FHIT: variants seen among roughly 807,000 people sequenced by gnomAD.
FHIT encodes fragile histidine triad diadenosine triphosphatase, also known as bis(5'-adenosyl)-triphosphatase.
In FHIT, 19 loss-of-function variants were observed where a neutral mutation model predicts 17.9. The ratio of observed to expected loss-of-function variants is 1.06; its 90% confidence interval spans 0.74 to 1.56. FHIT has a LOEUF of 1.56. Among genes scored for constraint, FHIT ranks in the 40% most tolerant of loss-of-function variants. The pLI is 0.00. For synonymous variants in FHIT, 81 were observed against 69.7 expected, an observed-to-expected ratio of 1.16 and a Z score of -0.81; for missense variants, 248 against 189.2, an observed-to-expected ratio of 1.31 and a Z score of -1.82.
Position 60,066,541 on chromosome 3 carries a change from A to T in FHIT, c.104-52389T>A, listed in dbSNP as rs144207449. ...CCTAATGACCTCCCGCCCTCTCAAA[A>T]CGCCAACATAACTTCTGGTCACGTA... is the stretch of plus-strand genomic sequence containing the variant. On this transcript the variant is annotated intron_variant, in intron 5 of 9. Coordinates refer to ENST00000492590, the MANE Select transcript of FHIT (RefSeq NM_002012.4). Among the ~76,000 whole-genome samples the T allele has an allele frequency of 1.4e-3, 207 of 151,192 alleles. 1 individual carries two copies. Among genetic ancestry groups the T allele is most frequent in the African/African-American group, 4.7e-3 (193 of 41,298 alleles).
intron 8 of FHIT, among the ~76,000 whole-genome samples, chr3:59,851,878 C>T (rs1701952728): frequency 6.6e-6 from 1 of 152,144 alleles, no homozygotes; most frequent in African/African-American, 2.4e-5. Context: ...CTTTTTAAAA[C>T]AAACTAGTAA....
intron 7 of FHIT, among the ~76,000 whole-genome samples, chr3:59,972,413 T>A (rs948756674): frequency 4.6e-5 from 7 of 152,172 alleles, no homozygotes; most frequent in African/African-American, 1.7e-4. Flanking sequence ...CTTGGCATGT[T>A]TGGCTGGGAA....
At chr3:61,023,104 A>T (rs2032542178) in intron 3 of FHIT, among the ~76,000 whole-genome samples, 1 of 152,220 alleles carries the variant, frequency 6.6e-6, no homozygotes, top group Non-Finnish European at 1.5e-5. Context: ...CCATCGTCTC[A>T]GCCCAAAATC....
intron 3 of FHIT, among the ~76,000 whole-genome samples, chr3:61,005,305 G>A (rs2031369469): frequency 6.6e-6 from 1 of 152,160 alleles, no homozygotes; most frequent in Non-Finnish European, 1.5e-5. Context: ...AGGGGAATTA[G>A]AGAAAAACTT....
At chr3:60,118,429 A>G (rs1403570881) in intron 5 of FHIT, among the ~76,000 whole-genome samples, 1 of 151,916 alleles carries the variant, frequency 6.6e-6, no homozygotes, top group Admixed American at 6.6e-5. Context: ...TTTTAAATTT[A>G]ACTTTTAAAA....
chr3:60,602,673 G>A lies in FHIT; in HGVS notation c.-17-65694C>T, dbSNP rs898616605. Among the ~76,000 whole-genome samples, 8 of 152,142 alleles carry A rather than the reference G, an allele frequency of 5.3e-5. 1 individual carries two copies. Among genetic ancestry groups the A allele is most frequent in the African/African-American group, 2.4e-5 (1 of 41,418 alleles). On this transcript the variant is annotated intron_variant, in intron 4 of 9. Transcript: ENST00000492590. ...ATGGGAGAATGACATTTGCAAAACA[G>A]AATGAGGATGTTATGAGCCTGTGCA... is the stretch of plus-strand genomic sequence containing the variant.
At chr3:59,751,482 G>T in intron 9 of FHIT, 1 of 209,268 alleles carries the variant, frequency 4.8e-6, no homozygotes, top group African/African-American at 2.3e-5. Context: ...ACTGAGACTA[G>T]GAGGGATAAT....
chr3:61,186,391 C>T (rs763373459), intron 2 of FHIT, among the ~76,000 whole-genome samples: 11 of 152,200 alleles, frequency 7.2e-5, no homozygotes, highest in Non-Finnish European at 1.2e-4. Flanking sequence ...CAAGGGTGGG[C>T]GCCTGACCTA....
intron 3 of FHIT, among the ~76,000 whole-genome samples, chr3:61,008,561 AAC>A (rs145917094): frequency 0.1 from 15,855 of 152,256 alleles, 884 homozygotes; most frequent in Middle Eastern, 0.14. Context: ...GTGTTTGTGC[AAC>A]AGTTATTGGG....
chr3:61,179,008 C>CTTTT lies in FHIT; in HGVS notation c.-164+21605_-164+21608dup, dbSNP rs778191387. ...GCCTACATTATTTCTTTTTCTTTTTCTTTTTTTTTTTTTTTTTTTTGAGAC... is the reference window on the plus strand; with the variant it reads ...GCCTACATTATTTCTTTTTCTTTTTCTTTTTTTTTTTTTTTTTTTTTTTTGAGAC... On this transcript the variant is annotated intron_variant, in intron 2 of 9. Coordinates refer to ENST00000492590, the MANE Select transcript of FHIT (RefSeq NM_002012.4). Among the ~76,000 whole-genome samples the CTTTT allele has an allele frequency of 6.0e-3, 760 of 127,578 alleles. 33 individuals are homozygous for CTTTT. The East Asian group carries it at 0.084, about 14-fold the overall frequency. The allele number at this position is 127,578 out of a possible 152,430, so 83.7% of individuals were successfully genotyped here.
intron 2 of FHIT, among the ~76,000 whole-genome samples, chr3:61,077,761 T>C (rs186451623): frequency 7.9e-5 from 12 of 152,220 alleles, no homozygotes; most frequent in Admixed American, 4.6e-4. Flanking sequence ...AGTGTGTTTT[T>C]CTTATCTCTC....
chr3:60,877,917 C>T (rs782388996), intron 3 of FHIT, among the ~76,000 whole-genome samples: 2 of 152,032 alleles, frequency 1.3e-5, no homozygotes, highest in Non-Finnish European at 2.9e-5. Flanking sequence ...GCTGCCACTG[C>T]GCCTGGCCAC....
chr3:60,690,678 G>A (rs1159709028), intron 4 of FHIT: 4 of 475,948 alleles, frequency 8.4e-6, no homozygotes, highest in East Asian at 1.1e-4. Context: ...CCAAGGGCTC[G>A]CTATTGACAG....
At chr3:61,215,661 A>C (rs914060796) in intron 1 of FHIT, among the ~76,000 whole-genome samples, 9 of 152,186 alleles carry the variant, frequency 5.9e-5, no homozygotes, top group Admixed American at 5.9e-4. Flanking sequence ...GTTCATATGG[A>C]ACCAAAAAAG....
At chr3:60,774,272 C>G (rs990968979) in intron 4 of FHIT, among the ~76,000 whole-genome samples, 1 of 152,050 alleles carries the variant, frequency 6.6e-6, no homozygotes, top group Non-Finnish European at 1.5e-5. Context: ...TGTTTTTTCC[C>G]TATATATACA....
chr3:60,422,893 C>A (rs1343442910), intron 5 of FHIT, among the ~76,000 whole-genome samples: 1 of 152,110 alleles, frequency 6.6e-6, no homozygotes, highest in East Asian at 1.9e-4. Flanking sequence ...CTGGTAGACC[C>A]AACCCTCCTT....
At chr3:61,237,153 G>T (rs1400051855) in intron 1 of FHIT, among the ~76,000 whole-genome samples, 1 of 152,056 alleles carries the variant, frequency 6.6e-6, no homozygotes, top group East Asian at 1.9e-4. Flanking sequence ...AAACCAACTC[G>T]TACAGAAAGT....
intron 2 of FHIT, among the ~76,000 whole-genome samples, chr3:61,141,413 A>G (rs1334004683): frequency 6.6e-6 from 1 of 152,162 alleles, no homozygotes; most frequent in Non-Finnish European, 1.5e-5. Flanking sequence ...AACAGTCAGA[A>G]TAAGAAAGGC....
At chr3:60,785,896 G>GACACACAC (rs71092634) in intron 4 of FHIT, among the ~76,000 whole-genome samples, 19 of 85,804 alleles carry the variant, frequency 2.2e-4, no homozygotes, top group East Asian at 1.3e-3. Context: ...ACAAACAGAA[G>GACACACAC]ACACACACAC....
Sources: allele counts gnomAD v4.1 joint callset (sites outside exome capture counted in the v4.1 genomes callset), GRCh38; gene constraint gnomAD v4.1.1; transcripts MANE v1.5; gene names NCBI Gene and HGNC (gene_info 2026-07-23, HGNC 2026-07-21).